The following PRAG1 variants were observed in gnomAD, a reference collection of about 807,000 sequenced individuals.
PRAG1 encodes the protein inactive tyrosine-protein kinase PRAG1.
PRAG1 carries 110 observed loss-of-function variants against 95.6 expected under a neutral mutation model. That is an observed-to-expected ratio of 1.15 (90% CI 0.99 to 1.35). PRAG1 has a LOEUF of 1.35. Among genes scored for constraint, PRAG1 ranks in the 40% most tolerant of loss-of-function variants. The pLI is 0.00. For missense variants in PRAG1, 2,554 were observed against 1,864.7 expected (o/e 1.37, Z -6.81); for synonymous variants, 1,052 against 819.4 (o/e 1.28, Z -4.85).
intron 5 of PRAG1, among the ~76,000 whole-genome samples, chr8:8,326,495 A>G (rs978117655): frequency 6.6e-6 from 1 of 152,084 alleles, no homozygotes; most frequent in African/African-American, 2.4e-5. Flanking sequence ...CAGGGTCTCA[A>G]TAGGTAATCA....
chr8:8,379,225 C>G (rs1490756332), intron 2 of PRAG1, among the ~76,000 whole-genome samples: 1 of 152,228 alleles, frequency 6.6e-6, no homozygotes, highest in Non-Finnish European at 1.5e-5. Flanking sequence ...GGTCATCTTT[C>G]TCCCGCCTAC....
At chr8:8,371,745 C>T (rs956248965) in intron 3 of PRAG1, among the ~76,000 whole-genome samples, 2 of 152,132 alleles carry the variant, frequency 1.3e-5, no homozygotes, top group African/African-American at 4.8e-5. Context: ...TGGCACGTGC[C>T]TGTAGTCCCA....
chr8:8,353,673 C>T (rs182838296), intron 3 of PRAG1, among the ~76,000 whole-genome samples: 8 of 152,138 alleles, frequency 5.3e-5, no homozygotes, highest in Middle Eastern at 3.4e-3. Flanking sequence ...CCACGTGTGG[C>T]GCTTATGCCC....
At position 8,377,345 on chromosome 8, in the gene PRAG1, C is replaced by T; in HGVS notation, c.1064G>A (p.Ser355Asn). The T allele has an allele frequency of 6.3e-7, 1 of 1,589,176 alleles. No individual in the cohort carries two copies. The highest frequency in any genetic ancestry group is 1.8e-5 in the Admixed American group (1 of 56,216). ...ACTCTCGAGGTGGGGGACGAAGGGGCTACTGGCGCCGCTGCCGCTGCCGCT... is the reference window on the plus strand; with the variant it reads ...ACTCTCGAGGTGGGGGACGAAGGGGTTACTGGCGCCGCTGCCGCTGCCGCT... Reference protein sequence around the residue: ...SGSGSGSGASSPFVPHLESDY... With the variant: ...SGSGSGSGASNPFVPHLESDY... Residue 355 changes from serine (S) to asparagine (N), a missense_variant, in exon 3 of 6, where the codon AGC (serine) becomes AAC (asparagine). Coordinates refer to ENST00000615670, the MANE Select transcript of PRAG1 (RefSeq NM_001080826.3).
intron 3 of PRAG1, among the ~76,000 whole-genome samples, chr8:8,349,764 C>A (rs1799459867): frequency 6.6e-6 from 1 of 152,080 alleles, no homozygotes; most frequent in Non-Finnish European, 1.5e-5. Flanking sequence ...GGTCAGATGA[C>A]CTCTGTGGTC....
At chr8:8,323,704 G>T (rs974068600) in intron 5 of PRAG1, among the ~76,000 whole-genome samples, 1 of 152,136 alleles carries the variant, frequency 6.6e-6, no homozygotes, top group African/African-American at 2.4e-5. Flanking sequence ...CACCATGATT[G>T]TAAGTTTCCT....
At chr8:8,349,526 C>T (rs905930939) in intron 3 of PRAG1, among the ~76,000 whole-genome samples, 7 of 152,116 alleles carry the variant, frequency 4.6e-5, no homozygotes, top group African/African-American at 1.2e-4. Flanking sequence ...TCGTGATCCA[C>T]CTGCCTCGGC....
chr8:8,371,421 T>C (rs183954265), intron 3 of PRAG1, among the ~76,000 whole-genome samples: 2,212 of 151,948 alleles, frequency 0.015, 27 homozygotes, highest in Admixed American at 0.023. Context: ...CCATCACGCC[T>C]GGCTAATTTT....
At chr8:8,320,674 T>A (rs1798444515) in intron 5 of PRAG1, among the ~76,000 whole-genome samples, 1 of 152,194 alleles carries the variant, frequency 6.6e-6, no homozygotes, top group South Asian at 2.1e-4. Context: ...GCATCTCACA[T>A]CTACCTATAA....
Position 8,376,727 on chromosome 8 carries a change from G to C in PRAG1, c.1682C>G (p.Ser561Cys). The C allele has an allele frequency of 6.2e-7, 1 of 1,610,196 alleles. No individual in the cohort carries two copies. Among genetic ancestry groups the C allele is most frequent in the Non-Finnish European group, 8.5e-7 (1 of 1,179,976 alleles). The change falls in exon 3 of 6, where the codon TCT (serine) becomes TGT (cysteine). Residue 561 changes from serine to cysteine, a missense_variant. Transcript: ENST00000615670. ...CGGTGACACTGGGGGCCCTCCAGCA[G>C]ACGGTGACACCGGGGACCCTACAGG... ...SSPVGSPVSP[S>C]AGGPPVSPLA... is the part of the protein sequence containing the mutation.
intron 3 of PRAG1, among the ~76,000 whole-genome samples, chr8:8,367,352 G>T (rs953926234): frequency 6.7e-6 from 1 of 149,458 alleles, no homozygotes; most frequent in African/African-American, 2.5e-5. Flanking sequence ...CAGCTACTCG[G>T]GAGGATGAGG....
At chr8:8,339,704 T>C (rs1585235308) in intron 3 of PRAG1, 69 bp from the exon 4 acceptor site, 2 of 1,483,620 alleles carry the variant, frequency 1.3e-6, no homozygotes, top group South Asian at 1.2e-5. Flanking sequence ...GGCTGATGGA[T>C]CATGAACTTA....
At chr8:8,348,026 C>T (rs999648095) in intron 3 of PRAG1, among the ~76,000 whole-genome samples, 2 of 152,208 alleles carry the variant, frequency 1.3e-5, no homozygotes, top group Admixed American at 6.5e-5. Flanking sequence ...AAGAGATTCT[C>T]ATGCTTCAGC....
At chr8:8,341,887 C>G (rs894373578) in intron 3 of PRAG1, among the ~76,000 whole-genome samples, 4 of 152,150 alleles carry the variant, frequency 2.6e-5, no homozygotes, top group Non-Finnish European at 4.4e-5. Flanking sequence ...AATCCCAGCA[C>G]TTTGGGAGGT....
Position 8,371,892 on chromosome 8 carries a change from G to A in PRAG1, c.2162+4355C>T, listed in dbSNP as rs73523458. Among the ~76,000 whole-genome samples the A allele has an allele frequency of 4.4e-3, 666 of 152,076 alleles. 5 individuals are homozygous for A. Among genetic ancestry groups the A allele is most frequent in the African/African-American group, 0.016 (644 of 41,506 alleles). On this transcript the variant is annotated intron_variant, in intron 3 of 5. Coordinates refer to ENST00000615670, the MANE Select transcript of PRAG1 (RefSeq NM_001080826.3). ...AACGAAACACACAAAAAACAAAGACGTCACCCACTTTCTTGGGGAAATTTT... is the reference window on the plus strand; with the variant it reads ...AACGAAACACACAAAAAACAAAGACATCACCCACTTTCTTGGGGAAATTTT...
At chr8:8,353,050 A>C (rs1438293400) in intron 3 of PRAG1, among the ~76,000 whole-genome samples, 1 of 152,240 alleles carries the variant, frequency 6.6e-6, no homozygotes, top group Non-Finnish European at 1.5e-5. Flanking sequence ...ACAAACATTA[A>C]AGTATCTAAA....
rs1361765270 is a variant in PRAG1 at position 8,377,362 on chromosome 8, G to A, written c.1047C>T (p.Ser349=). 23 of 1,580,158 alleles carry A rather than the reference G, an allele frequency of 1.5e-5. No individual in the cohort carries two copies. The highest frequency in any genetic ancestry group is 5.3e-5 in the Admixed American group (3 of 56,140). ...DGLSCGSGSG[S]GSGASSPFVP... ...CGAAGGGGCTACTGGCGCCGCTGCC[G>A]CTGCCGCTGCCGCTGCCACAAGAGA... The change falls in exon 3 of 6, where the codon AGC becomes AGT. Residue 349 remains serine, a synonymous_variant. Transcript: ENST00000615670.
chr8:8,359,959 TGC>T (rs1234424503), intron 3 of PRAG1, among the ~76,000 whole-genome samples: 2 of 152,246 alleles, frequency 1.3e-5, no homozygotes, highest in Non-Finnish European at 2.9e-5. Context: ...CTAAAATTTT[TGC>T]CTTAAATCCT....
intron 3 of PRAG1, among the ~76,000 whole-genome samples, chr8:8,363,180 C>T (rs1010796297): frequency 2.6e-5 from 4 of 151,104 alleles, no homozygotes; most frequent in Non-Finnish European, 5.9e-5. Context: ...TTGCAAAAAG[C>T]TAGTCTTTAA....
Sources: allele counts gnomAD v4.1 joint callset (sites outside exome capture counted in the v4.1 genomes callset), GRCh38; gene constraint gnomAD v4.1.1; transcripts MANE v1.5; gene names NCBI Gene and HGNC (gene_info 2026-07-23, HGNC 2026-07-21).